Variants in KHDRBS2 observed in about 807,000 individuals in gnomAD.
The protein encoded by KHDRBS2 is KH domain-containing, RNA-binding, signal transduction-associated protein 2.
In KHDRBS2, 26 loss-of-function variants were observed where a neutral mutation model predicts 44.3. The observed-to-expected ratio is 0.59, with a 90% confidence interval of 0.43 to 0.81. KHDRBS2 has a LOEUF of 0.81. KHDRBS2 is among the 40% of genes least tolerant of loss of function. The probability of loss-of-function intolerance (pLI) is 0.00; values close to 1 mark genes in which losing one functional copy is unlikely to be tolerated. For synonymous variants in KHDRBS2, 194 were observed against 151.1 expected (o/e 1.28, Z -2.08); for missense variants, 476 against 433.1 (o/e 1.10, Z -0.88).
At chr6:62,229,066 AATC>A (rs1832426940) in intron 1 of KHDRBS2, among the ~76,000 whole-genome samples, 1 of 152,244 alleles carries the variant, frequency 6.6e-6, no homozygotes, top group East Asian at 1.9e-4. Flanking sequence ...GGGGAAACAC[AATC>A]ATCTGGGCTG....
intron 4 of KHDRBS2, among the ~76,000 whole-genome samples, chr6:61,940,040 G>T (rs1403214417): frequency 2.0e-5 from 3 of 151,838 alleles, no homozygotes; most frequent in Non-Finnish European, 2.9e-5. Context: ...AGAAACATAA[G>T]AATTCATTAT....
At chr6:61,679,450 T>C (rs894035709), downstream of KHDRBS2, among the ~76,000 whole-genome samples, 12 of 152,066 alleles carry the variant, frequency 7.9e-5, no homozygotes, top group Middle Eastern at 3.4e-3. Context: ...ACTGAGAATA[T>C]TTAACATTAC....
the KHDRBS2 span, among the ~76,000 whole-genome samples, chr6:61,568,160 C>T: frequency 3.3e-5 from 5 of 151,978 alleles, no homozygotes; most frequent in Non-Finnish European, 7.4e-5. Context: ...ATATTTGTGG[C>T]TTTATTTCTG....
chr6:61,665,990 G>C, the KHDRBS2 span, among the ~76,000 whole-genome samples: 28,976 of 150,776 alleles, frequency 0.19, 2,921 homozygotes, highest in African/African-American at 0.23. Context: ...TGTTGCTTAT[G>C]ATTTTATTAA....
the KHDRBS2 span, among the ~76,000 whole-genome samples, chr6:61,667,200 T>C: frequency 3.3e-5 from 5 of 150,802 alleles, no homozygotes; most frequent in Non-Finnish European, 5.9e-5. Context: ...ACAAAAGTTA[T>C]GTTAATTTTT....
At chr6:62,180,828 G>A (rs1822113393) in intron 1 of KHDRBS2, among the ~76,000 whole-genome samples, 1 of 151,660 alleles carries the variant, frequency 6.6e-6, no homozygotes, top group African/African-American at 2.4e-5. Flanking sequence ...GTATTATACT[G>A]GCATAAAAAC....
At chr6:61,917,951 G>A (rs1432141499) in intron 4 of KHDRBS2, among the ~76,000 whole-genome samples, 1 of 151,774 alleles carries the variant, frequency 6.6e-6, no homozygotes, top group East Asian at 1.9e-4. Context: ...TCCTCTTTAG[G>A]GATAGGAAGA....
At chr6:62,029,179 A>T (rs1783901432) in intron 3 of KHDRBS2, among the ~76,000 whole-genome samples, 1 of 152,052 alleles carries the variant, frequency 6.6e-6, no homozygotes, top group Non-Finnish European at 1.5e-5. Context: ...AATTTTTAAT[A>T]GCATATACTT....
At chr6:62,269,658 T>C (rs960640787) in intron 1 of KHDRBS2, among the ~76,000 whole-genome samples, 11 of 152,108 alleles carry the variant, frequency 7.2e-5, no homozygotes, top group Non-Finnish European at 1.5e-4. Flanking sequence ...AGTATAAGCA[T>C]TCTAGAAAAC....
At chr6:61,681,208 T>A in intron 8 of KHDRBS2, 148 bp from the exon 9 acceptor site, 2 of 611,042 alleles carry the variant, frequency 3.3e-6, no homozygotes, top group Admixed American at 2.9e-5. Flanking sequence ...CGTGAGACCA[T>A]CAAAAAAGTG....
At chr6:61,719,983 G>A (rs1315024326) in intron 7 of KHDRBS2, among the ~76,000 whole-genome samples, 1 of 151,940 alleles carries the variant, frequency 6.6e-6, no homozygotes, top group Non-Finnish European at 1.5e-5. Context: ...CTGTGTCCAT[G>A]TGTTCTCATT....
At chr6:61,808,570 A>G (rs1787554211) in intron 6 of KHDRBS2, among the ~76,000 whole-genome samples, 1 of 152,102 alleles carries the variant, frequency 6.6e-6, no homozygotes, top group Non-Finnish European at 1.5e-5. Context: ...ATAACTCTAA[A>G]ATGGCTACTG....
intron 4 of KHDRBS2, among the ~76,000 whole-genome samples, chr6:61,916,982 T>TC (rs1192440443): frequency 6.7e-6 from 1 of 149,664 alleles, no homozygotes; most frequent in Non-Finnish European, 1.5e-5. Flanking sequence ...TTTTTTTTTT[T>TC]TTTTTTTGCT....
intron 7 of KHDRBS2, among the ~76,000 whole-genome samples, chr6:61,702,581 A>C (rs1768859988): frequency 6.6e-6 from 1 of 151,984 alleles, no homozygotes; most frequent in Non-Finnish European, 1.5e-5. Context: ...TTAATTTTAA[A>C]GACTGAAACT....
intron 4 of KHDRBS2, among the ~76,000 whole-genome samples, chr6:61,923,729 A>C (rs947800766): frequency 2.6e-5 from 4 of 152,140 alleles, no homozygotes; most frequent in Non-Finnish European, 5.9e-5. Context: ...GCAGTGTGAA[A>C]GACTGAATCA....
chr6:62,255,220 T>C (rs116470425), intron 1 of KHDRBS2, among the ~76,000 whole-genome samples: 2 of 152,008 alleles, frequency 1.3e-5, no homozygotes, highest in Non-Finnish European at 2.9e-5. Flanking sequence ...AAACAAAAAA[T>C]GTAGCTACTT....
intron 6 of KHDRBS2, among the ~76,000 whole-genome samples, chr6:61,836,443 T>G (rs1281152404): frequency 6.6e-6 from 1 of 152,056 alleles, no homozygotes; most frequent in Non-Finnish European, 1.5e-5. Flanking sequence ...TCAGGCAGGC[T>G]GCCTGTTTTT....
intron 2 of KHDRBS2, among the ~76,000 whole-genome samples, chr6:62,095,950 G>T (rs1800505340): frequency 6.6e-6 from 1 of 151,676 alleles, no homozygotes; most frequent in Non-Finnish European, 1.5e-5. Flanking sequence ...TTTATCAAAT[G>T]TTTTTTTATT....
the KHDRBS2 span, among the ~76,000 whole-genome samples, chr6:61,590,218 G>C: frequency 3.8e-4 from 58 of 152,238 alleles, no homozygotes; most frequent in African/African-American, 1.4e-3. Flanking sequence ...AAAAGATGGG[G>C]ACTATTAAAA....
Sources: allele counts gnomAD v4.1 joint callset (sites outside exome capture counted in the v4.1 genomes callset), GRCh38; gene constraint gnomAD v4.1.1; transcripts MANE v1.5; gene names NCBI Gene and HGNC (gene_info 2026-07-23, HGNC 2026-07-21).